Variants in RNLS observed in about 807,000 individuals in gnomAD.
RNLS encodes renalase.
Under a neutral mutation model 39.8 loss-of-function variants are expected in RNLS, and 39 were observed. The ratio of observed to expected loss-of-function variants is 0.98; its 90% CI spans 0.76 to 1.28. RNLS has a LOEUF of 1.28. Ranked by LOEUF, RNLS falls within the 50% of genes most tolerant of loss-of-function variation. The pLI is 0.00. For missense variants in RNLS, 410 were observed against 413.3 expected (o/e 0.99, Z 0.07); for synonymous variants, 147 against 150.7 (o/e 0.98, Z 0.18).
At chr10:88,482,549 C>T (rs1040657730) in intron 4 of RNLS, among the ~76,000 whole-genome samples, 25 of 152,132 alleles carry the variant, frequency 1.6e-4, no homozygotes, top group African/African-American at 5.5e-4. Context: ...CTTGTTGAGT[C>T]ACGTTGTCAT....
intron 4 of RNLS, among the ~76,000 whole-genome samples, chr10:88,431,502 T>G (rs1855131816): frequency 6.6e-6 from 1 of 151,752 alleles, no homozygotes; most frequent in Admixed American, 6.6e-5. Context: ...ATCATTTCAT[T>G]TCTTCCTCTA....
At chr10:88,579,040 C>A (rs760697723) in intron 3 of RNLS, among the ~76,000 whole-genome samples, 1 of 152,078 alleles carries the variant, frequency 6.6e-6, no homozygotes, top group Admixed American at 6.5e-5. Context: ...AAAAAGCATA[C>A]AAATTTATTT....
chr10:88,543,533 T>C (rs1848150863), intron 4 of RNLS, among the ~76,000 whole-genome samples: 1 of 152,134 alleles, frequency 6.6e-6, no homozygotes, highest in South Asian at 2.1e-4. Context: ...TTTAATCTGA[T>C]TAAAAAAGAC....
intron 5 of RNLS, among the ~76,000 whole-genome samples, chr10:88,359,883 C>A (rs1168832059): frequency 5.9e-5 from 9 of 152,194 alleles, no homozygotes; most frequent in Non-Finnish European, 8.8e-5. Flanking sequence ...TCTGCTATTT[C>A]TTTCCTTCCT....
rs558422516 is a variant in RNLS at position 88,478,264 on chromosome 10, A to G, written c.526+94639T>C. Reference sequence around the variant, plus strand: ...CAAGTTTCTTAGGCTTGAAAACGCGAGCCCATCTGACTCCCCACTTTCTCT... The same window carrying G: ...CAAGTTTCTTAGGCTTGAAAACGCGGGCCCATCTGACTCCCCACTTTCTCT... On this transcript the variant is annotated intron_variant, in intron 4 of 6. Transcript: ENST00000331772. Among the ~76,000 whole-genome samples the G allele has an allele frequency of 5.3e-5, 8 of 152,246 alleles. No individual in the cohort carries two copies. The East Asian group carries it at 1.5e-3, about 29-fold the overall frequency.
intron 4 of RNLS, among the ~76,000 whole-genome samples, chr10:88,502,985 C>T (rs1420050917): frequency 1.3e-5 from 2 of 151,972 alleles, no homozygotes; most frequent in African/African-American, 2.4e-5. Context: ...ACTGTGATTC[C>T]CCAGGTACTG....
intron 4 of RNLS, among the ~76,000 whole-genome samples, chr10:88,439,582 T>C (rs1841598209): frequency 1.3e-5 from 2 of 152,200 alleles, no homozygotes; most frequent in Non-Finnish European, 2.9e-5. Context: ...AAATTCATGG[T>C]TGTGTATAGC....
chr10:88,179,975 T>A, the RNLS span, among the ~76,000 whole-genome samples: 3 of 152,256 alleles, frequency 2.0e-5, no homozygotes, highest in Non-Finnish European at 4.4e-5. Flanking sequence ...ACCATATGAT[T>A]GTTGTGAATT....
At chr10:88,496,514 G>A (rs1845183404) in intron 4 of RNLS, among the ~76,000 whole-genome samples, 2 of 152,112 alleles carry the variant, frequency 1.3e-5, no homozygotes, top group South Asian at 4.2e-4. Context: ...ACCAGAATTG[G>A]AGAAAGGGAG....
Position 88,345,391 on chromosome 10 carries a change from T to C in RNLS, c.700+17161A>G, listed in dbSNP as rs1848238518. The stretch of plus-strand genomic sequence containing the variant: ...ATTCAAAAAATGATTTGACATCCCA[T>C]AAAAAGAACTGCATCTAACTTCATG... On this transcript the variant is annotated intron_variant, in intron 5 of 6. Coordinates refer to ENST00000331772, the MANE Select transcript of RNLS (RefSeq NM_001031709.3). Among the ~76,000 whole-genome samples the C allele has an allele frequency of 2.6e-5, 4 of 152,282 alleles. No individual in the cohort carries two copies. In the South Asian group the frequency reaches 8.3e-4, roughly 32 times the overall value.
In RNLS at chr10:88,573,062, C is replaced by T. The variant is rs1849951856; in HGVS notation, c.368-1G>A. 1 of 1,612,754 alleles carries T rather than the reference C, an allele frequency of 6.2e-7. No individual in the cohort carries two copies. Among genetic ancestry groups the T allele is most frequent in the South Asian group, 1.1e-5 (1 of 90,864 alleles). On this transcript the variant is annotated splice_acceptor_variant, in intron 3 of 6. Coordinates refer to ENST00000331772, the MANE Select transcript of RNLS (RefSeq NM_001031709.3). LOFTEE classifies it high-confidence loss of function. ...CGATGTCTGAAGTAGACTTCTGCAC[C>T]TGTTCCAAAAGCAAAATCATGTCCC...
chr10:88,575,114 G>T (rs996619580), intron 3 of RNLS, among the ~76,000 whole-genome samples: 3 of 113,094 alleles, frequency 2.7e-5, no homozygotes, highest in Non-Finnish European at 5.1e-5. Context: ...GCCACAAGGT[G>T]TTCTGCAAAG....
rs79537298 is a variant in RNLS at position 88,473,769 on chromosome 10, A to C, written c.526+99134T>G. On this transcript the variant is annotated intron_variant, in intron 4 of 6. Transcript: ENST00000331772. ...TAAAAATGAAGTTTCAGAGGAAGGA[A>C]ACATTGCAATTGACAGGTCAGGGCT... 7.0e-3 allele frequency among the ~76,000 whole-genome samples: 1,063 copies of C among 152,260 alleles called. 27 individuals carry two copies. In the East Asian group the frequency reaches 0.078, roughly 11 times the overall value.
At chr10:88,221,096 C>A in the RNLS span, among the ~76,000 whole-genome samples, 1 of 152,148 alleles carries the variant, frequency 6.6e-6, no homozygotes, top group Non-Finnish European at 1.5e-5. Flanking sequence ...TATATGCATC[C>A]CCCTACTTGG....
chr10:88,457,697 TA>T lies in RNLS; in HGVS notation c.527-94973del, dbSNP rs1255091740. On this transcript the variant is annotated intron_variant, in intron 4 of 6. Transcript: ENST00000331772. ...TAACTCAGACCCAGGAGGTGCATTTTATTAGAACGTTTAATCCTTCCAAAAG... is the reference window on the plus strand; with the variant it reads ...TAACTCAGACCCAGGAGGTGCATTTTTTAGAACGTTTAATCCTTCCAAAAG... Among the ~76,000 whole-genome samples the T allele has an allele frequency of 1.3e-4, 20 of 152,354 alleles. No homozygotes were observed. The East Asian group carries it at 3.9e-3, about 29-fold the overall frequency.
intron 6 of RNLS, among the ~76,000 whole-genome samples, chr10:88,309,190 C>T (rs4933476): frequency 0.45 from 68,699 of 151,790 alleles, 16,083 homozygotes; most frequent in South Asian, 0.61. Context: ...GCTTAATACC[C>T]GGGTGATAAA....
intron 6 of RNLS, among the ~76,000 whole-genome samples, chr10:88,311,700 A>G (rs1255872806): frequency 3.3e-5 from 5 of 152,220 alleles, no homozygotes; most frequent in African/African-American, 1.2e-4. Flanking sequence ...ATTAGTCTCT[A>G]GGGTTTCCTG....
At chr10:88,561,511 AAAAC>A (rs1393764857) in intron 4 of RNLS, among the ~76,000 whole-genome samples, 1 of 152,178 alleles carries the variant, frequency 6.6e-6, no homozygotes, top group African/African-American at 2.4e-5. Flanking sequence ...GGAAAGACAA[AAAAC>A]AAAGCTAGAT....
chr10:88,527,003 TC>T (rs1268565454), intron 4 of RNLS, among the ~76,000 whole-genome samples: 1 of 151,956 alleles, frequency 6.6e-6, no homozygotes, highest in Non-Finnish European at 1.5e-5. Flanking sequence ...GTACTTGGGT[TC>T]TAGGGATCTG....
Sources: gnomAD v4.1 joint callset for allele counts (sites outside exome capture counted in the v4.1 genomes callset) on GRCh38, gnomAD v4.1.1 for gene constraint, MANE v1.5 for transcripts, NCBI Gene and HGNC (gene_info 2026-07-23, HGNC 2026-07-21) for gene names.